The following CHST8 variants were observed in gnomAD, a reference collection of about 807,000 sequenced individuals.
CHST8 encodes the protein carbohydrate sulfotransferase 8.
A neutral mutation model predicts 15.0 loss-of-function variants in CHST8; 10 were observed. That is an observed-to-expected ratio of 0.67 (90% confidence interval 0.41 to 1.13). The LOEUF (loss-of-function observed/expected upper bound fraction) is 1.13, where lower values mean the gene tolerates loss of function less well. Among genes scored for constraint, CHST8 ranks in the 50% most tolerant of loss-of-function variants. The pLI, the probability that CHST8 is intolerant of heterozygous loss-of-function variation, is 0.00. For synonymous variants in CHST8, 259 were observed against 256.6 expected (o/e 1.01, Z -0.09); for missense variants, 634 against 608.2 (o/e 1.04, Z -0.45).
At chr19:33,694,093 CATATATATATATATATATATATATAT>C (rs3040787) in intron 3 of CHST8, among the ~76,000 whole-genome samples, 3 of 31,380 alleles carry the variant, frequency 9.6e-5, no homozygotes, top group South Asian at 1.2e-3. Context: ...GTAGTTTATT[CATATATATATATATATATATATATAT>C]ATATATATAT....
rs527713376 is a variant in CHST8, at chr19:33,755,519, C to T, written c.131-15894C>T. ...AGTGAATCATTCATTCTAGAAAGAA[C>T]GGCCCTCCACACACCTACCTGGCCC... On this transcript the variant is annotated intron_variant, in intron 3 of 4. Coordinates refer to ENST00000650847, the MANE Select transcript of CHST8 (RefSeq NM_001127895.2). Among the ~76,000 whole-genome samples the T allele has an allele frequency of 7.9e-5, 12 of 152,234 alleles. No individual in the cohort carries two copies. In the East Asian group the frequency reaches 1.4e-3, roughly 17 times the overall value.
intron 1 of CHST8, among the ~76,000 whole-genome samples, chr19:33,655,712 T>C (rs1432941367): frequency 6.6e-6 from 1 of 152,202 alleles, no homozygotes. Flanking sequence ...GGTATTCTTA[T>C]ATTTTTATAA....
intron 3 of CHST8, among the ~76,000 whole-genome samples, chr19:33,709,191 G>A (rs7259760): frequency 0.029 from 4,367 of 152,212 alleles, 146 homozygotes; most frequent in African/African-American, 0.08. Context: ...GTCATTTCCA[G>A]CTCGAATGCC....
chr19:33,688,460 G>A (rs1052073933), intron 2 of CHST8, among the ~76,000 whole-genome samples: 30 of 152,296 alleles, frequency 2.0e-4, no homozygotes, highest in Non-Finnish European at 8.8e-5. Flanking sequence ...TTGGACACAG[G>A]TCTAGCTGCC....
chr19:33,698,633 T>C (rs1973270367), intron 3 of CHST8, among the ~76,000 whole-genome samples: 3 of 150,574 alleles, frequency 2.0e-5, no homozygotes. Context: ...AGGAGGGAGG[T>C]TGGGGGTGCC....
chr19:33,730,984 G>T (rs1232455034), intron 3 of CHST8, among the ~76,000 whole-genome samples: 1 of 152,236 alleles, frequency 6.6e-6, no homozygotes, highest in African/African-American at 2.4e-5. Flanking sequence ...AGCCAGTCAA[G>T]TTCTGCCTGC....
rs1972520627 is a variant in CHST8, at chr19:33,657,186, C to CTT, written c.-163-10581_-163-10580insTT. ...ACACATATACTTATACACACATACA[C>CTT]ATACACACATACATATACATACACA... On this transcript the variant is annotated intron_variant, in intron 1 of 4. Transcript: ENST00000650847. 3.3e-5 allele frequency among the ~76,000 whole-genome samples: 5 copies of CTT among 151,486 alleles called. No individual in the cohort carries two copies. The South Asian group carries it at 1.0e-3, about 32-fold the overall frequency.
chr19:33,735,960 A>G (rs1201245514), intron 3 of CHST8, among the ~76,000 whole-genome samples: 1 of 152,240 alleles, frequency 6.6e-6, no homozygotes, highest in African/African-American at 2.4e-5. Flanking sequence ...ACCACCCGCC[A>G]CCTGGCAATG....
At chr19:33,723,826 C>T (rs545760420) in intron 3 of CHST8, among the ~76,000 whole-genome samples, 2 of 152,294 alleles carry the variant, frequency 1.3e-5, no homozygotes, top group East Asian at 3.9e-4. Context: ...CTCTGGGCCG[C>T]CATTGTCACC....
At chr19:33,630,293 G>C (rs999218466) in intron 1 of CHST8, among the ~76,000 whole-genome samples, 2 of 152,252 alleles carry the variant, frequency 1.3e-5, no homozygotes, top group Non-Finnish European at 2.9e-5. Flanking sequence ...GGTTGTGTTG[G>C]CCAGGAGGAG....
intron 3 of CHST8, among the ~76,000 whole-genome samples, chr19:33,736,900 A>G (rs1302349393): frequency 6.6e-6 from 1 of 152,198 alleles, no homozygotes; most frequent in South Asian, 2.1e-4. Flanking sequence ...AACAGGATGC[A>G]GTAGAGAAGC....
intron 3 of CHST8, among the ~76,000 whole-genome samples, chr19:33,724,817 T>C (rs1222797716): frequency 1.3e-5 from 2 of 152,094 alleles, no homozygotes; most frequent in African/African-American, 4.8e-5. Context: ...CCCCAGCTGC[T>C]CCACCTCTCC....
At chr19:33,655,905 G>A (rs1295953237) in intron 1 of CHST8, among the ~76,000 whole-genome samples, 2 of 151,982 alleles carry the variant, frequency 1.3e-5, no homozygotes, top group African/African-American at 4.8e-5. Flanking sequence ...CCTATTTAAT[G>A]ACTTGTTAAG....
At chr19:33,674,375 C>T (rs988217407) in intron 2 of CHST8, among the ~76,000 whole-genome samples, 2 of 152,192 alleles carry the variant, frequency 1.3e-5, no homozygotes, top group African/African-American at 4.8e-5. Flanking sequence ...GGGTCCCACT[C>T]GTCTGTACAG....
At chr19:33,712,582 G>A (rs1204414506) in intron 3 of CHST8, among the ~76,000 whole-genome samples, 3 of 152,306 alleles carry the variant, frequency 2.0e-5, no homozygotes, top group African/African-American at 7.2e-5. Flanking sequence ...GCGAACAGTG[G>A]GGAGAGGAAC....
At chr19:33,737,453 G>A (rs979654865) in intron 3 of CHST8, among the ~76,000 whole-genome samples, 1 of 152,168 alleles carries the variant, frequency 6.6e-6, no homozygotes, top group Non-Finnish European at 1.5e-5. Flanking sequence ...TGGTGACCAG[G>A]GCTAAGCGTT....
intron 3 of CHST8, among the ~76,000 whole-genome samples, chr19:33,720,027 AG>A (rs1182420438): frequency 1.3e-5 from 2 of 151,958 alleles, no homozygotes; most frequent in Admixed American, 6.6e-5. Context: ...GTTCTCTCCT[AG>A]GCAGCACTGT....
intron 1 of CHST8, among the ~76,000 whole-genome samples, chr19:33,635,977 A>T (rs1972191862): frequency 6.6e-6 from 1 of 151,570 alleles, no homozygotes; most frequent in Non-Finnish European, 1.5e-5. Flanking sequence ...GCGCGCAAAG[A>T]CGGAAGAGCT....
At chr19:33,694,999 G>A (rs997516592) in intron 3 of CHST8, among the ~76,000 whole-genome samples, 9 of 143,482 alleles carry the variant, frequency 6.3e-5, no homozygotes, top group Admixed American at 1.4e-4. Context: ...TCTGTGGCCC[G>A]GGCTGGTGTA....
Sources: allele counts gnomAD v4.1 joint callset (sites outside exome capture counted in the v4.1 genomes callset), GRCh38; gene constraint gnomAD v4.1.1; transcripts MANE v1.5; gene names NCBI Gene and HGNC (gene_info 2026-07-23, HGNC 2026-07-21).